BUB1B: variants seen among roughly 807,000 people sequenced by gnomAD.
The protein encoded by BUB1B is mitotic checkpoint serine/threonine-protein kinase BUB1 beta.
In BUB1B, 86 loss-of-function variants were observed where a neutral mutation model predicts 137.7. The observed-to-expected ratio is 0.62, with a 90% CI of 0.52 to 0.75. BUB1B has a LOEUF of 0.75. BUB1B is among the 30% of genes least tolerant of loss of function. The pLI, the probability that BUB1B is intolerant of heterozygous loss-of-function variation, is 0.00. For missense variants in BUB1B, 1,130 were observed against 1,236.9 expected, an observed-to-expected ratio of 0.91 and a Z score of 1.30; for synonymous variants, 420 against 417.9, an observed-to-expected ratio of 1.00 and a Z score of -0.06.
chr15:40,219,371 C>G (rs917455217), intron 22 of BUB1B, among the ~76,000 whole-genome samples: 1 of 152,150 alleles, frequency 6.6e-6, no homozygotes, highest in African/African-American at 2.4e-5. Flanking sequence ...TAAGTGGTCT[C>G]TTAATAAGCA....
intron 4 of BUB1B, among the ~76,000 whole-genome samples, chr15:40,174,547 A>G (rs936225859): frequency 1.3e-5 from 2 of 152,244 alleles, no homozygotes; most frequent in Non-Finnish European, 2.9e-5. Context: ...CGAGTTCTAT[A>G]GGAACAAATA....
chr15:40,217,758 A>G, intron 21 of BUB1B, 91 bp downstream of exon 21: 1 of 1,441,256 alleles, frequency 6.9e-7, no homozygotes. Context: ...GTTTACTGAT[A>G]CCGACTCCTA....
chr15:40,208,863 C>G, intron 16 of BUB1B, 93 bp downstream of exon 16: 4 of 1,297,252 alleles, frequency 3.1e-6, no homozygotes, highest in Non-Finnish European at 4.4e-6. Flanking sequence ...GAGACAGGGT[C>G]TCACTCTGTC....
chr15:40,175,044 T>C (rs887017433), intron 4 of BUB1B, among the ~76,000 whole-genome samples: 1 of 152,160 alleles, frequency 6.6e-6, no homozygotes, highest in Non-Finnish European at 1.5e-5. Flanking sequence ...TAGAGTCTGG[T>C]GGAATGAGTA....
At chr15:40,190,506 A>G (rs2037422588) in intron 8 of BUB1B, among the ~76,000 whole-genome samples, 1 of 152,148 alleles carries the variant, frequency 6.6e-6, no homozygotes, top group Non-Finnish European at 1.5e-5. Context: ...TTCCGTTACT[A>G]TGGAGGATGA....
chr15:40,211,460 T>C (rs1283004103), intron 18 of BUB1B, among the ~76,000 whole-genome samples: 3 of 152,124 alleles, frequency 2.0e-5, no homozygotes, highest in African/African-American at 7.2e-5. Context: ...CTTTAGATCC[T>C]TTCTCTTGAC....
chr15:40,161,119 G>A lies in BUB1B; in HGVS notation c.-102G>A, dbSNP rs2037037708. ...AGGGAGTCGTGTACGTGCCTTGGTCGCTTCTGTAGCTCCGAGGGCAGGTTG... is the reference window on the plus strand; with the variant it reads ...AGGGAGTCGTGTACGTGCCTTGGTCACTTCTGTAGCTCCGAGGGCAGGTTG... On this transcript the variant is annotated 5_prime_UTR_variant, in exon 1 of 23. Transcript: ENST00000287598. The A allele has an allele frequency of 6.7e-7, 1 of 1,482,522 alleles. No homozygotes were observed. Among genetic ancestry groups the A allele is most frequent in the Non-Finnish European group, 9.2e-7 (1 of 1,092,298 alleles). 91.8% of individuals were successfully genotyped at this position (1,482,522 alleles called of 1,614,324 possible).
intron 1 of BUB1B, among the ~76,000 whole-genome samples, chr15:40,164,668 T>TC (rs998215389): frequency 6.6e-6 from 1 of 150,844 alleles, no homozygotes; most frequent in Admixed American, 6.6e-5. Flanking sequence ...TTTTCTTTTT[T>TC]TTTTTTTTTT....
intron 8 of BUB1B, among the ~76,000 whole-genome samples, chr15:40,189,120 G>A (rs544586680): frequency 7.9e-5 from 12 of 151,848 alleles, no homozygotes; most frequent in Admixed American, 3.3e-4. Flanking sequence ...TAGACATCTC[G>A]TGTAAATAAT....
chr15:40,206,119 C>T (rs906213579), intron 14 of BUB1B, 65 bp from the exon 15 acceptor site: 2 of 1,534,336 alleles, frequency 1.3e-6, no homozygotes, highest in African/African-American at 2.7e-5. Context: ...ATATGTCTCT[C>T]TCAGTAAAAA....
intron 2 of BUB1B, 28 bp from the exon 3 acceptor site, chr15:40,170,034 A>T (rs767911076): frequency 6.3e-7 from 1 of 1,581,882 alleles, no homozygotes; most frequent in East Asian, 2.2e-5. Flanking sequence ...ACTATTGCAT[A>T]TGCTAACTTT....
At chr15:40,185,486 T>A in intron 7 of BUB1B, 65 bp from the exon 8 acceptor site, 1 of 1,584,398 alleles carries the variant, frequency 6.3e-7, no homozygotes, top group South Asian at 1.1e-5. Context: ...TATTTAGCCA[T>A]GGTCTATATA....
Position 40,199,625 on chromosome 15 carries a change from G to T in BUB1B, c.1299G>T (p.Leu433Phe). ...CTTTACTGTTTCTAGCCGAGCTATT[G>T]ACCAGTGCAGAGAAGAGAGCAGAAA... ...KLKEQREAEL[L>F]TSAEKRAEMQ... The change falls in exon 10 of 23, where the codon TTG becomes TTT. Residue 433 changes from leucine to phenylalanine, a missense_variant. By Grantham distance (22) the Leu-to-Phe change is conservative. Transcript: ENST00000287598. 2 of 1,613,822 alleles carry T rather than the reference G, an allele frequency of 1.2e-6. No individual in the cohort carries two copies. The highest frequency in any genetic ancestry group is 1.1e-5 in the South Asian group (1 of 91,022).
intron 14 of BUB1B, among the ~76,000 whole-genome samples, chr15:40,204,016 C>A (rs2037607070): frequency 6.6e-6 from 1 of 152,168 alleles, no homozygotes; most frequent in South Asian, 2.1e-4. Context: ...TTAGTTTCTT[C>A]TCTGTTGATG....
At chr15:40,172,505 GTTA>G (rs2140882987) in intron 4 of BUB1B, among the ~76,000 whole-genome samples, 1 of 152,218 alleles carries the variant, frequency 6.6e-6, no homozygotes, top group Admixed American at 6.5e-5. Flanking sequence ...AAAAGAAAAT[GTTA>G]TTAAGAAAAT....
At chr15:40,213,521 A>G (rs1005208455) in intron 20 of BUB1B, 47 bp downstream of exon 20, 2 of 1,608,080 alleles carry the variant, frequency 1.2e-6, no homozygotes, top group Non-Finnish European at 1.7e-6. Context: ...CTCTTAAAAC[A>G]TGGATAGTTG....
intron 8 of BUB1B, among the ~76,000 whole-genome samples, chr15:40,194,579 G>A (rs183808025): frequency 6.6e-6 from 1 of 152,102 alleles, no homozygotes; most frequent in Non-Finnish European, 1.5e-5. Flanking sequence ...GGGAAGGACC[G>A]GTATCTTTAG....
intron 2 of BUB1B, among the ~76,000 whole-genome samples, chr15:40,168,682 G>T (rs748563257): frequency 1.3e-5 from 2 of 152,040 alleles, no homozygotes; most frequent in African/African-American, 2.4e-5. Flanking sequence ...GGAATCCAAA[G>T]TCTTTAAATT....
intron 5 of BUB1B, among the ~76,000 whole-genome samples, chr15:40,178,916 C>A (rs766095809): frequency 1.4e-4 from 22 of 151,894 alleles, no homozygotes; most frequent in Non-Finnish European, 2.5e-4. Context: ...TAAAAAAAAA[C>A]CACTCTTAGA....
Sources: allele counts gnomAD v4.1 joint callset (sites outside exome capture counted in the v4.1 genomes callset), GRCh38; gene constraint gnomAD v4.1.1; transcripts MANE v1.5; gene names NCBI Gene and HGNC (gene_info 2026-07-23, HGNC 2026-07-21).